PREX2: variants seen among roughly 807,000 people sequenced by gnomAD.
The protein encoded by PREX2 is phosphatidylinositol-3,4,5-trisphosphate dependent Rac exchange factor 2, also known as phosphatidylinositol 3,4,5-trisphosphate-dependent Rac exchanger 2 protein.
In PREX2, 107 loss-of-function variants were observed where a neutral mutation model predicts 203.2. That is an observed-to-expected ratio of 0.53 (90% CI 0.45 to 0.62). The LOEUF (loss-of-function observed/expected upper bound fraction) is 0.62. PREX2 is among the 20% of genes least tolerant of loss of function. PREX2 has a pLI of 0.00. For missense variants in PREX2, 1,777 were observed against 1,955.9 expected (o/e 0.91, Z 1.72); for synonymous variants, 672 against 663.6 (o/e 1.01, Z -0.19).
At chr8:68,095,805 C>T (rs1309118057) in intron 21 of PREX2, among the ~76,000 whole-genome samples, 1 of 151,966 alleles carries the variant, frequency 6.6e-6, no homozygotes, top group African/African-American at 2.4e-5. Flanking sequence ...CCATGCCCAG[C>T]TAATTTTTTA....
At chr8:68,191,663 C>T (rs1454563894) in intron 35 of PREX2, 59 bp from the exon 36 acceptor site, 12 of 1,182,878 alleles carry the variant, frequency 1.0e-5, no homozygotes, top group Non-Finnish European at 1.5e-5. Context: ...TGAACATCTT[C>T]ATGCATATTA....
At chr8:68,201,914 T>G (rs1812510280) in intron 37 of PREX2, among the ~76,000 whole-genome samples, 1 of 145,802 alleles carries the variant, frequency 6.9e-6, no homozygotes, top group South Asian at 2.3e-4. Flanking sequence ...TTTTTTTTTT[T>G]TTTTTTTTTT....
chr8:68,132,539 G>A (rs1811028421), intron 31 of PREX2, among the ~76,000 whole-genome samples: 1 of 152,026 alleles, frequency 6.6e-6, no homozygotes, highest in Non-Finnish European at 1.5e-5. Flanking sequence ...AGGTTTTACA[G>A]TGAAACCGAG....
At chr8:68,063,345 T>C (rs991479372) in intron 11 of PREX2, among the ~76,000 whole-genome samples, 27 of 152,008 alleles carry the variant, frequency 1.8e-4, no homozygotes, top group African/African-American at 6.3e-4. Flanking sequence ...GGGGAGGCTG[T>C]GAAACTGAGT....
intron 4 of PREX2, among the ~76,000 whole-genome samples, chr8:68,023,837 C>T (rs1807637489): frequency 6.6e-6 from 1 of 151,946 alleles, no homozygotes; most frequent in Non-Finnish European, 1.5e-5. Flanking sequence ...GTCCTGTGAT[C>T]TAAATTTATG....
At chr8:68,010,035 G>A (rs13274293) in intron 1 of PREX2, among the ~76,000 whole-genome samples, 18,258 of 152,104 alleles carry the variant, frequency 0.12, 1,355 homozygotes, top group African/African-American at 0.2. Flanking sequence ...TTAATACCTC[G>A]TGCTCTAAGT....
chr8:68,068,431 T>C (rs1809083880), intron 11 of PREX2, among the ~76,000 whole-genome samples: 1 of 152,100 alleles, frequency 6.6e-6, no homozygotes, highest in Non-Finnish European at 1.5e-5. Flanking sequence ...AAAAAAGCAA[T>C]TCTTAATGTA....
At chr8:68,176,813 T>G (rs1811988579) in intron 35 of PREX2, 1 of 152,104 alleles carries the variant, frequency 6.6e-6, no homozygotes, top group African/African-American at 2.4e-5. Context: ...CAGGCCCCAC[T>G]GAGTAGAAAA....
intron 38 of PREX2, among the ~76,000 whole-genome samples, chr8:68,221,087 G>A (rs60962739): frequency 0.027 from 4,068 of 151,750 alleles, 163 homozygotes; most frequent in African/African-American, 0.091. Context: ...TCATTGTTTC[G>A]TCCCCACTTA....
intron 11 of PREX2, among the ~76,000 whole-genome samples, chr8:68,061,736 GGCCA>G (rs1312395523): frequency 2.7e-4 from 41 of 152,300 alleles, no homozygotes; most frequent in African/African-American, 7.5e-4. Context: ...GGACCGTGTA[GGCCA>G]GCCAGTGGGG....
At chr8:68,051,625 T>C (rs1808530087) in intron 8 of PREX2, among the ~76,000 whole-genome samples, 1 of 152,182 alleles carries the variant, frequency 6.6e-6, no homozygotes. Flanking sequence ...GAAGTAATAT[T>C]CTTATTTTCC....
intron 34 of PREX2, among the ~76,000 whole-genome samples, chr8:68,156,764 A>G (rs1001684027): frequency 6.6e-6 from 1 of 152,186 alleles, no homozygotes; most frequent in African/African-American, 2.4e-5. Context: ...GGAAAGCACC[A>G]TAAAAAAAAG....
chr8:68,080,818 G>T lies in PREX2; in HGVS notation c.1858G>T (p.Glu620Ter). The T allele has an allele frequency of 6.5e-7, 1 of 1,528,594 alleles. No homozygotes were observed. Among genetic ancestry groups the T allele is most frequent in the Non-Finnish European group, 9.0e-7 (1 of 1,107,412 alleles). The allele number at this position is 1,528,594 out of a possible 1,614,324, so 94.7% of individuals were successfully genotyped here. ...KNKVPIIKLVEKGSNAEMAGM... is the reference protein window; with the variant it reads ...KNKVPIIKLV ...TAAAGTTCCAATAATAAAGTTGGTA[G>T]AAAAGGGATCTAATGCTGAGGTAAT... is the stretch of plus-strand genomic sequence containing the variant. The change falls in exon 17 of 40, where the codon GAA (glutamate) becomes TAA (stop). Residue 620 changes from glutamate to a stop codon, truncating the protein, a stop_gained. Coordinates refer to ENST00000288368, the MANE Select transcript of PREX2 (RefSeq NM_024870.4). LOFTEE classifies it high-confidence loss of function.
At chr8:68,221,958 G>A (rs1187774832) in intron 38 of PREX2, among the ~76,000 whole-genome samples, 1 of 152,124 alleles carries the variant, frequency 6.6e-6, no homozygotes, top group Non-Finnish European at 1.5e-5. Flanking sequence ...TAAATAACGA[G>A]AGGCTGATTT....
chr8:68,209,195 G>A (rs1455400239), intron 37 of PREX2, among the ~76,000 whole-genome samples: 12 of 151,868 alleles, frequency 7.9e-5, no homozygotes. Flanking sequence ...CATTTACTTA[G>A]TTCTCTTGGG....
At chr8:68,129,821 A>G (rs1563558500) in intron 31 of PREX2, among the ~76,000 whole-genome samples, 1 of 151,972 alleles carries the variant, frequency 6.6e-6, no homozygotes, top group Non-Finnish European at 1.5e-5. Flanking sequence ...TACTCTCACT[A>G]TAAGAAAAAT....
chr8:67,981,992 G>T (rs1806286904), intron 1 of PREX2, among the ~76,000 whole-genome samples: 1 of 152,126 alleles, frequency 6.6e-6, no homozygotes, highest in South Asian at 2.1e-4. Flanking sequence ...CAACAGACTT[G>T]GATAGTTGGA....
chr8:68,076,795 AAAAAGGTTG>A (rs1490867096), intron 14 of PREX2, among the ~76,000 whole-genome samples: 1 of 151,996 alleles, frequency 6.6e-6, no homozygotes, highest in Admixed American at 6.6e-5. Flanking sequence ...AAACCAAAAG[AAAAAGGTTG>A]CTTTGGGCGC....
intron 1 of PREX2, among the ~76,000 whole-genome samples, chr8:67,955,081 T>A (rs892455722): frequency 6.9e-6 from 1 of 143,886 alleles, no homozygotes; most frequent in African/African-American, 2.6e-5. Context: ...GAGGTGGAGG[T>A]TGCAGTGAGC....
Sources: allele counts gnomAD v4.1 joint callset (sites outside exome capture counted in the v4.1 genomes callset), GRCh38; gene constraint gnomAD v4.1.1; transcripts MANE v1.5; gene names NCBI Gene and HGNC (gene_info 2026-07-23, HGNC 2026-07-21).